Variants in UNC5C observed in about 807,000 individuals in gnomAD.
The protein encoded by UNC5C is unc-5 netrin receptor C.
A neutral mutation model predicts 99.8 loss-of-function variants in UNC5C; 47 were observed. The observed-to-expected ratio is 0.47, with a 90% CI of 0.37 to 0.60. The LOEUF (loss-of-function observed/expected upper bound fraction) is 0.60, where lower values mean the gene tolerates loss of function less well. Ranked by LOEUF, UNC5C falls within the 20% of genes least tolerant of loss-of-function variation. The pLI is 0.00. For synonymous variants in UNC5C, 487 were observed against 452.2 expected, an observed-to-expected ratio of 1.08 and a Z score of -0.98; for missense variants, 1,062 against 1,165.9, an observed-to-expected ratio of 0.91 and a Z score of 1.30.
Position 95,335,499 on chromosome 4 carries a change from C to G in UNC5C, c.257G>C (p.Ser86Thr). The change falls in exon 2 of 16, where the codon AGC (serine) becomes ACC (threonine). Residue 86 changes from serine (S) to threonine (T), a missense_variant. Ser to Thr is a moderately conservative substitution (Grantham distance 58). This residue lies in a region of UNC5C where 249 missense variants were observed against 295.1 expected (regional missense o/e 0.84). Coordinates refer to ENST00000453304, the MANE Select transcript of UNC5C (RefSeq NM_003728.4). ...CTTGAAATAGATCTGGGTGGCAGGG[C>G]TTGCTTTACAGTACAGGTTCACGGG... ...NKPVNLYCKA[S>T]PATQIYFKCN... 1 of 1,612,404 alleles carries G rather than the reference C, an allele frequency of 6.2e-7. No individual in the cohort carries two copies. The highest frequency in any genetic ancestry group is 8.5e-7 in the Non-Finnish European group (1 of 1,178,938).
chr4:95,477,425 A>T (rs1473750845), intron 1 of UNC5C, among the ~76,000 whole-genome samples: 1 of 152,070 alleles, frequency 6.6e-6, no homozygotes, highest in Non-Finnish European at 1.5e-5. Flanking sequence ...CCTAATGGGA[A>T]ATTAATGTGG....
At chr4:95,201,227 G>A (rs1051750076) in intron 12 of UNC5C, among the ~76,000 whole-genome samples, 2 of 152,084 alleles carry the variant, frequency 1.3e-5, no homozygotes, top group African/African-American at 2.4e-5. Flanking sequence ...ACACCCCAAG[G>A]CATCCTGACC....
At chr4:95,475,245 C>T (rs184834917) in intron 1 of UNC5C, among the ~76,000 whole-genome samples, 1 of 152,020 alleles carries the variant, frequency 6.6e-6, no homozygotes, top group African/African-American at 2.4e-5. Context: ...CCACTGGGGA[C>T]CCCATGAAAG....
chr4:95,399,844 A>T (rs573615168), intron 1 of UNC5C, among the ~76,000 whole-genome samples: 3 of 152,176 alleles, frequency 2.0e-5, no homozygotes, highest in Non-Finnish European at 2.9e-5. Context: ...CTTATTAGAA[A>T]CTAATTATGT....
At chr4:95,392,006 G>C (rs922274621) in intron 1 of UNC5C, among the ~76,000 whole-genome samples, 12 of 152,162 alleles carry the variant, frequency 7.9e-5, no homozygotes, top group African/African-American at 2.9e-4. Context: ...GCAGTGAGCT[G>C]TGTTCGTGCC....
intron 1 of UNC5C, among the ~76,000 whole-genome samples, chr4:95,392,591 C>A (rs1240429823): frequency 6.6e-6 from 1 of 151,946 alleles, no homozygotes; most frequent in Non-Finnish European, 1.5e-5. Context: ...CACCACCAGG[C>A]CCAGATAAGT....
chr4:95,308,473 C>T (rs1173939660), intron 2 of UNC5C, among the ~76,000 whole-genome samples: 2 of 151,844 alleles, frequency 1.3e-5, no homozygotes, highest in Non-Finnish European at 1.5e-5. Flanking sequence ...TAATGGAAGG[C>T]CAGGTGCGGT....
intron 1 of UNC5C, among the ~76,000 whole-genome samples, chr4:95,433,365 G>A (rs1746686056): frequency 6.6e-6 from 1 of 151,886 alleles, no homozygotes; most frequent in Admixed American, 6.6e-5. Context: ...TTCTTTTTGG[G>A]TTTTGGGATT....
At chr4:95,400,253 T>G (rs923320762) in intron 1 of UNC5C, among the ~76,000 whole-genome samples, 6 of 152,148 alleles carry the variant, frequency 3.9e-5, no homozygotes, top group Admixed American at 3.3e-4. Context: ...CCTTGCTGGC[T>G]TTGAAGAAGT....
intron 1 of UNC5C, among the ~76,000 whole-genome samples, chr4:95,362,134 T>C (rs1361266194): frequency 1.3e-5 from 2 of 152,088 alleles, no homozygotes; most frequent in African/African-American, 4.8e-5. Flanking sequence ...TGAGGAATGA[T>C]GTCAGGAAAA....
rs1737737987 is a variant in UNC5C, at chr4:95,202,902, C to T, written c.1965G>A (p.Glu655=). 1 of 1,614,082 alleles carries T rather than the reference C, an allele frequency of 6.2e-7. No homozygotes were observed. The highest frequency in any genetic ancestry group is 1.3e-5 in the African/African-American group (1 of 74,932). ...TTPCYIQLDA[E]ACHILTENLS... is the part of the protein sequence containing the mutation. ...GGTTCTCTGTGAGGATGTGGCAGGCCTCTGCATCCAGCTGAATGTAGCAGG... is the reference window on the plus strand; with the variant it reads ...GGTTCTCTGTGAGGATGTGGCAGGCTTCTGCATCCAGCTGAATGTAGCAGG... Residue 655 remains glutamate (E), a synonymous_variant, in exon 12 of 16, where the codon GAG becomes GAA. Coordinates refer to ENST00000453304, the MANE Select transcript of UNC5C (RefSeq NM_003728.4).
intron 1 of UNC5C, among the ~76,000 whole-genome samples, chr4:95,395,975 C>T (rs1161287394): frequency 3.3e-5 from 5 of 152,198 alleles, no homozygotes; most frequent in African/African-American, 1.2e-4. Context: ...AGCACAGCTT[C>T]TCTGGCTTCA....
At chr4:95,338,797 C>A (rs1743444964) in intron 1 of UNC5C, among the ~76,000 whole-genome samples, 2 of 151,976 alleles carry the variant, frequency 1.3e-5, no homozygotes, top group South Asian at 4.2e-4. Flanking sequence ...GTTTATAGTG[C>A]CTCAGATTCA....
At chr4:95,234,746 T>C (rs535839605) in intron 7 of UNC5C, among the ~76,000 whole-genome samples, 77 of 152,292 alleles carry the variant, frequency 5.1e-4, no homozygotes, top group African/African-American at 1.8e-3. Context: ...TAGGAACTAC[T>C]TTTTCAGGCC....
intron 1 of UNC5C, among the ~76,000 whole-genome samples, chr4:95,340,066 T>C (rs1196356099): frequency 6.6e-6 from 1 of 152,068 alleles, no homozygotes; most frequent in African/African-American, 2.4e-5. Flanking sequence ...GCTGTTTCAT[T>C]TATACCCAAG....
intron 1 of UNC5C, among the ~76,000 whole-genome samples, chr4:95,491,048 T>A (rs1303459621): frequency 6.6e-6 from 1 of 151,416 alleles, no homozygotes; most frequent in East Asian, 2.0e-4. Flanking sequence ...AACAAATCAA[T>A]GGGAAGGTGG....
intron 1 of UNC5C, among the ~76,000 whole-genome samples, chr4:95,352,598 G>A (rs1744030207): frequency 6.6e-6 from 1 of 152,106 alleles, no homozygotes; most frequent in Non-Finnish European, 1.5e-5. Context: ...CTTGACATCA[G>A]ATGAACTTAT....
intron 1 of UNC5C, among the ~76,000 whole-genome samples, chr4:95,402,468 C>T (rs1162976820): frequency 6.6e-6 from 1 of 152,132 alleles, no homozygotes; most frequent in East Asian, 1.9e-4. Flanking sequence ...AAGTGCTTAG[C>T]CTTGAGGGGA....
At chr4:95,180,059 T>C (rs898446765) in intron 14 of UNC5C, among the ~76,000 whole-genome samples, 1 of 152,148 alleles carries the variant, frequency 6.6e-6, no homozygotes, top group Non-Finnish European at 1.5e-5. Context: ...GTTATCCTTA[T>C]GGCATCAGTG....
Sources: gnomAD v4.1 joint callset for allele counts (sites outside exome capture counted in the v4.1 genomes callset) on GRCh38, gnomAD v4.1.1 for gene constraint, gnomAD v4.1.1 regional missense constraint, MANE v1.5 for transcripts, NCBI Gene and HGNC (gene_info 2026-07-23, HGNC 2026-07-21) for gene names.